The following ANGPTL6 variants were observed in gnomAD, a reference collection of about 807,000 sequenced individuals.
ANGPTL6 encodes the protein angiopoietin-related protein 6.
A neutral mutation model predicts 47.4 loss-of-function variants in ANGPTL6; 45 were observed. The ratio of observed to expected loss-of-function variants is 0.95; its 90% CI spans 0.75 to 1.22. The LOEUF (loss-of-function observed/expected upper bound fraction) is 1.22, where lower values mean the gene tolerates loss of function less well. ANGPTL6 is among the 50% of genes most tolerant of loss of function. ANGPTL6 has a pLI of 0.00. For synonymous variants in ANGPTL6, 290 were observed against 295.9 expected (o/e 0.98, Z 0.20); for missense variants, 698 against 669.4 (o/e 1.04, Z -0.47).
At chr19:10,102,106 ACT>A (rs1206366922) in intron 1 of ANGPTL6, among the ~76,000 whole-genome samples, 10 of 128,640 alleles carry the variant, frequency 7.8e-5, no homozygotes, top group Admixed American at 2.6e-4. Flanking sequence ...ACAGAGCGAG[ACT>A]CTGTCTCAAA....
chr19:10,102,404 A>G, intron 1 of ANGPTL6, 164 bp downstream of exon 1: 1 of 170,772 alleles, frequency 5.9e-6, no homozygotes, highest in Non-Finnish European at 1.2e-5. Flanking sequence ...CCCCCACAAC[A>G]GAGATTGAGC....
At chr19:10,098,581 T>C (rs1038308734) in intron 1 of ANGPTL6, among the ~76,000 whole-genome samples, 2 of 151,862 alleles carry the variant, frequency 1.3e-5, no homozygotes, top group African/African-American at 4.8e-5. Context: ...TCCCAGCAGT[T>C]TGGGAGGCCA....
At chr19:10,103,630 A>T (rs1228475907), upstream of ANGPTL6, among the ~76,000 whole-genome samples, 5 of 143,208 alleles carry the variant, frequency 3.5e-5, no homozygotes, top group East Asian at 3.9e-4. Context: ...TAAATAATAA[A>T]TAAATAATAA....
At position 10,092,716 on chromosome 19, in the gene ANGPTL6, T is replaced by C; in HGVS notation, c.1286A>G (p.Asn429Ser). 6.2e-7 allele frequency: 1 copy of C among 1,613,856 alleles called. No individual in the cohort carries two copies. The highest frequency in any genetic ancestry group is 8.5e-7 in the Non-Finnish European group (1 of 1,179,814). ...WYHACAHSNL[N>S]GVWHHGGHYR... is the part of the protein sequence containing the mutation. Reference sequence around the variant, plus strand: ...GTGGCCGCCGTGGTGCCACACACCGTTGAGGTTGGAGTGGGCACAGGCATG... The same window carrying C: ...GTGGCCGCCGTGGTGCCACACACCGCTGAGGTTGGAGTGGGCACAGGCATG... Residue 429 changes from asparagine (N) to serine (S), a missense_variant, in exon 6 of 6, where the codon AAC becomes AGC. Physicochemically the swap from Asn to Ser is conservative, Grantham distance 46. Transcript: ENST00000253109.
intron 1 of ANGPTL6, among the ~76,000 whole-genome samples, chr19:10,099,315 G>A (rs1224134333): frequency 6.6e-6 from 1 of 152,030 alleles, no homozygotes; most frequent in South Asian, 2.1e-4. Context: ...GGTGACTCAC[G>A]CCTGTAATCC....
chr19:10,102,847 A>C, upstream of ANGPTL6: 1 of 872,786 alleles, frequency 1.1e-6, no homozygotes, highest in Non-Finnish European at 1.4e-6. Context: ...AGAGCCTGAT[A>C]ACACAGGTCA....
In ANGPTL6 at chr19:10,102,103, G is replaced by A. The variant is rs1490241753; in HGVS notation, c.-11+465C>T. Among the ~76,000 whole-genome samples the A allele has an allele frequency of 7.0e-5, 9 of 129,216 alleles. No individual in the cohort carries two copies. In the South Asian group the frequency reaches 7.5e-4, roughly 11 times the overall value. The allele number at this position is 129,216 out of a possible 152,430, so 84.8% of individuals were successfully genotyped here. A position where few individuals can be genotyped will look rare whatever the true frequency, so the allele number is the denominator to read the frequency against. Reference sequence around the variant, plus strand: ...TGCACTCCAGCCTGGGTGACAGAGCGAGACTCTGTCTCAAAAAAAAAAAAA... The same window carrying A: ...TGCACTCCAGCCTGGGTGACAGAGCAAGACTCTGTCTCAAAAAAAAAAAAA... On this transcript the variant is annotated intron_variant, in intron 1 of 5. Coordinates refer to ENST00000253109, the MANE Select transcript of ANGPTL6 (RefSeq NM_031917.3).
At chr19:10,100,923 C>T (rs2088662112) in intron 1 of ANGPTL6, among the ~76,000 whole-genome samples, 1 of 151,310 alleles carries the variant, frequency 6.6e-6, no homozygotes, top group Admixed American at 6.6e-5. Context: ...TGCCTGTAAT[C>T]CCAGCACTTT....
upstream of ANGPTL6, among the ~76,000 whole-genome samples, chr19:10,105,159 T>A (rs1264579047): frequency 6.6e-6 from 1 of 151,658 alleles, no homozygotes; most frequent in Non-Finnish European, 1.5e-5. Flanking sequence ...GACTCCAGGG[T>A]TGAAAAAGGA....
chr19:10,103,259 A>C (rs952372199), upstream of ANGPTL6, among the ~76,000 whole-genome samples: 1 of 150,868 alleles, frequency 6.6e-6, no homozygotes, highest in Admixed American at 6.6e-5. Flanking sequence ...AGTGGACACA[A>C]ACACACACAC....
chr19:10,103,854 G>A (rs1275507846), upstream of ANGPTL6, among the ~76,000 whole-genome samples: 4 of 150,040 alleles, frequency 2.7e-5, no homozygotes, highest in Non-Finnish European at 6.0e-5. Flanking sequence ...CAGCACTTTG[G>A]GAGGCCAAGG....
Position 10,096,106 on chromosome 19 carries a change from G to GCGCGCTGAGCCTCGGCGGA in ANGPTL6, c.439_457dup (p.Ala153ValfsTer66), listed in dbSNP as rs770263825. Reference sequence around the variant, plus strand: ...GTCCAGCTGGTGGAACCGGGCGGCTGCGCGCTGAGCCTCGGCGGACGCGTT... The same window carrying GCGCGCTGAGCCTCGGCGGA: ...GTCCAGCTGGTGGAACCGGGCGGCTGCGCGCTGAGCCTCGGCGGACGCGCTGAGCCTCGGCGGACGCGTT... On this transcript the variant is annotated frameshift_variant, in exon 2 of 6. Transcript: ENST00000253109. LOFTEE classifies it high-confidence loss of function. 358 of 1,482,726 alleles carry GCGCGCTGAGCCTCGGCGGA rather than the reference G, an allele frequency of 2.4e-4. No homozygotes were observed. The highest frequency in any genetic ancestry group is 8.4e-4 in the Admixed American group (38 of 45,150). The allele number at this position is 1,482,726 out of a possible 1,614,324, so 91.8% of individuals were successfully genotyped here. A position where few individuals can be genotyped will look rare whatever the true frequency, so the allele number is the denominator to read the frequency against.
Position 10,093,366 on chromosome 19 carries a change from T to C in ANGPTL6, c.1205A>G (p.Asp402Gly), listed in dbSNP as rs1198916212. The C allele has an allele frequency of 6.2e-7, 1 of 1,613,524 alleles. No homozygotes were observed. The highest frequency in any genetic ancestry group is 1.1e-5 in the South Asian group (1 of 91,072). Residue 402 changes from aspartate (D) to glycine (G), a missense_variant, in exon 5 of 6, where the codon GAC becomes GGC. Coordinates refer to ENST00000253109, the MANE Select transcript of ANGPTL6 (RefSeq NM_031917.3). ...NDKPFSTVDR[D>G]RDSYSGNCAL... ...CTCCTTACCAGAATAGGAGTCTCGG[T>C]CCCTATCCACGGTGCTGAAGGGCTT...
At position 10,096,580 on chromosome 19, in the gene ANGPTL6, G is replaced by T; in HGVS notation, c.-10-7C>A. ...CTTCCCCATCGCGGCGGACCTGCAG[G>T]CAGAGGAGGAACGGAAGGAAGACGG... On this transcript the variant is annotated splice_polypyrimidine_tract_variant and splice_region_variant and intron_variant, in intron 1 of 5. Coordinates refer to ENST00000253109, the MANE Select transcript of ANGPTL6 (RefSeq NM_031917.3). The T allele has an allele frequency of 6.7e-7, 1 of 1,486,030 alleles. No individual in the cohort carries two copies. Among genetic ancestry groups the T allele is most frequent in the African/African-American group, 1.5e-5 (1 of 68,756 alleles). The allele number at this position is 1,486,030 out of a possible 1,614,324, so 92.1% of individuals were successfully genotyped here. A position where few individuals can be genotyped will look rare whatever the true frequency, so the allele number is the denominator to read the frequency against.
intron 1 of ANGPTL6, 25 bp downstream of exon 1, chr19:10,102,543 T>G: frequency 1.0e-6 from 1 of 983,478 alleles, no homozygotes; most frequent in African/African-American, 1.7e-5. Context: ...AGAATCAACC[T>G]CCACCTACCT....
At chr19:10,102,886 A>C, upstream of ANGPTL6, 4 of 607,068 alleles carry the variant, frequency 6.6e-6, no homozygotes, top group Non-Finnish European at 8.3e-6. Context: ...CCTTTCCCCC[A>C]CACCCTCCAC....
At chr19:10,096,717 G>A (rs985298052) in intron 1 of ANGPTL6, 144 bp from the exon 2 acceptor site, 1 of 623,524 alleles carries the variant, frequency 1.6e-6, no homozygotes, top group African/African-American at 2.0e-5. Flanking sequence ...CCCACGGCTG[G>A]AGGGCCCCAG....
intron 1 of ANGPTL6, 45 bp from the exon 2 acceptor site, chr19:10,096,618 C>T: frequency 2.9e-6 from 4 of 1,369,848 alleles, no homozygotes; most frequent in South Asian, 1.5e-5. Flanking sequence ...TGCTGGGGCC[C>T]AGCGAGACCC....
intron 1 of ANGPTL6, among the ~76,000 whole-genome samples, chr19:10,099,839 CTCTCTT>C (rs1262424604): frequency 3.3e-5 from 3 of 91,970 alleles, no homozygotes; most frequent in Admixed American, 1.1e-4. Flanking sequence ...CTCTCTCTCT[CTCTCTT>C]TCTCTCTTTC....
Sources: allele counts gnomAD v4.1 joint callset (sites outside exome capture counted in the v4.1 genomes callset), GRCh38; gene constraint gnomAD v4.1.1; transcripts MANE v1.5; gene names NCBI Gene and HGNC (gene_info 2026-07-23, HGNC 2026-07-21).